The following KRT222 variants were observed in gnomAD, a reference collection of about 807,000 sequenced individuals.
The protein encoded by KRT222 is keratin 222, also known as keratin-like protein KRT222.
KRT222 carries 23 observed loss-of-function variants against 35.0 expected under a neutral mutation model. The ratio of observed to expected loss-of-function variants is 0.66; its 90% CI spans 0.47 to 0.93. The LOEUF (loss-of-function observed/expected upper bound fraction) is 0.93. KRT222 is among the 40% of genes least tolerant of loss of function. The probability of loss-of-function intolerance (pLI) is 0.00; values close to 1 mark genes in which losing one functional copy is unlikely to be tolerated. For synonymous variants in KRT222, 108 were observed against 118.8 expected (o/e 0.91, Z 0.59); for missense variants, 339 against 346.3 (o/e 0.98, Z 0.17).
intron 3 of KRT222, 93 bp downstream of exon 3, chr17:40,659,894 G>T (rs911112079): frequency 5.8e-6 from 6 of 1,032,524 alleles, no homozygotes; most frequent in Non-Finnish European, 9.0e-6. Flanking sequence ...TGATGATGGG[G>T]TTTTTGGATT....
chr17:40,658,814 T>C (rs1381884709), intron 3 of KRT222, among the ~76,000 whole-genome samples: 2 of 152,216 alleles, frequency 1.3e-5, no homozygotes, highest in African/African-American at 4.8e-5. Flanking sequence ...TATGTCATGC[T>C]CAAAGCAATA....
intron 2 of KRT222, 26 bp from the exon 3 acceptor site, chr17:40,660,233 G>C: frequency 6.4e-7 from 1 of 1,563,794 alleles, no homozygotes; most frequent in Non-Finnish European, 8.8e-7. Context: ...TTTCATCAGT[G>C]AATCAGTAAC....
In KRT222 at chr17:40,655,394, G is replaced by A. The variant is rs1233272920; in HGVS notation, c.*1008C>T. 4.0e-5 allele frequency: 6 copies of A among 151,776 alleles called. No homozygotes were observed. Among genetic ancestry groups the A allele is most frequent in the East Asian group, 3.9e-4 (2 of 5,194 alleles). 9.4% of individuals were successfully genotyped at this position (151,776 alleles called of 1,614,324 possible). The stretch of plus-strand genomic sequence containing the variant: ...TACCCATATTTATTACAATTTGAAC[G>A]ATTTAAAAACAAATCCTCTAAATAC... On this transcript the variant is annotated 3_prime_UTR_variant, in exon 6 of 6. Coordinates refer to ENST00000394052, the MANE Select transcript of KRT222 (RefSeq NM_152349.3).
chr17:40,665,157 G>A lies in KRT222; in HGVS notation c.-58C>T, dbSNP rs548804783. On this transcript the variant is annotated 5_prime_UTR_variant, in exon 1 of 6. Coordinates refer to ENST00000394052, the MANE Select transcript of KRT222 (RefSeq NM_152349.3). ...CCTTATCGATAGGATGAGTCGCTGCGGCAGTCTGCTCGGTCTGCGCGGAAG... is the reference window on the plus strand; with the variant it reads ...CCTTATCGATAGGATGAGTCGCTGCAGCAGTCTGCTCGGTCTGCGCGGAAG... 32 of 1,524,586 alleles carry A rather than the reference G, an allele frequency of 2.1e-5. No individual in the cohort carries two copies. In the East Asian group the frequency reaches 6.1e-4, roughly 29 times the overall value. The allele number at this position is 1,524,586 out of a possible 1,614,324, so 94.4% of individuals were successfully genotyped here.
intron 3 of KRT222, among the ~76,000 whole-genome samples, chr17:40,659,371 C>G (rs765163164): frequency 6.6e-6 from 1 of 151,956 alleles, no homozygotes; most frequent in Non-Finnish European, 1.5e-5. Flanking sequence ...GACAGGGTTT[C>G]GCCATGTTGG....
chr17:40,659,952 T>G (rs771402776), intron 3 of KRT222, 35 bp downstream of exon 3: 4 of 1,554,970 alleles, frequency 2.6e-6, no homozygotes, highest in Non-Finnish European at 3.5e-6. Flanking sequence ...TCTGTATTTC[T>G]GGCCCCTTGT....
chr17:40,660,224 T>C lies in KRT222; in HGVS notation c.226-17A>G, dbSNP rs376115910. The C allele has an allele frequency of 2.0e-4, 320 of 1,592,852 alleles. 1 individual carries two copies. Among genetic ancestry groups the C allele is most frequent in the Middle Eastern group, 6.6e-4 (4 of 6,022 alleles). On this transcript the variant is annotated splice_polypyrimidine_tract_variant and intron_variant, in intron 2 of 5. Transcript: ENST00000394052. ...GCCCCTTTCCTGTTTTATATAGATT[T>C]TCATCAGTGAATCAGTAACACAGAA...
In KRT222 at chr17:40,657,989, G is replaced by A. The variant is rs535027614; in HGVS notation, c.447-239C>T. Among the ~76,000 whole-genome samples, 7 of 152,248 alleles carry A rather than the reference G, an allele frequency of 4.6e-5. No homozygotes were observed. In the South Asian group the frequency reaches 1.2e-3, roughly 27 times the overall value. On this transcript the variant is annotated intron_variant, in intron 3 of 5. Coordinates refer to ENST00000394052, the MANE Select transcript of KRT222 (RefSeq NM_152349.3). ...AATATGCAAAACAATTTCATACTTT[G>A]TAGGAATACATACATATTACCATAA...
At chr17:40,663,351 C>T (rs1196562176) in intron 1 of KRT222, among the ~76,000 whole-genome samples, 1 of 152,180 alleles carries the variant, frequency 6.6e-6, no homozygotes, top group Non-Finnish European at 1.5e-5. Flanking sequence ...AATGCTGTGC[C>T]ACTTCTAGAC....
intron 1 of KRT222, among the ~76,000 whole-genome samples, chr17:40,663,526 C>A (rs1474229175): frequency 6.6e-6 from 1 of 152,198 alleles, no homozygotes; most frequent in East Asian, 1.9e-4. Context: ...GCAGAGCCAG[C>A]CTTTCGGCAA....
Position 40,655,727 on chromosome 17 carries a change from A to C in KRT222, c.*675T>G, listed in dbSNP as rs2144027911. The C allele has an allele frequency of 6.6e-6, 1 of 151,916 alleles. No homozygotes were observed. 9.4% of individuals were successfully genotyped at this position (151,916 alleles called of 1,614,324 possible). On this transcript the variant is annotated 3_prime_UTR_variant, in exon 6 of 6. Transcript: ENST00000394052. ...CTTCCGGAAATCAGATACTTATTACAAAAAAAACCTTTTAGATATATGTAG... is the reference window on the plus strand; with the variant it reads ...CTTCCGGAAATCAGATACTTATTACCAAAAAAACCTTTTAGATATATGTAG...
At chr17:40,659,908 T>C (rs1298981886) in intron 3 of KRT222, 79 bp downstream of exon 3, 2 of 1,239,066 alleles carry the variant, frequency 1.6e-6, no homozygotes, top group Non-Finnish European at 2.3e-6. Context: ...TTGGATTTAA[T>C]TTCTCTGACT....
intron 1 of KRT222, among the ~76,000 whole-genome samples, chr17:40,662,520 C>T (rs915152068): frequency 5.9e-5 from 9 of 152,054 alleles, no homozygotes; most frequent in Non-Finnish European, 1.0e-4. Context: ...GTAAATACTG[C>T]TAGGAAATAC....
Position 40,657,426 on chromosome 17 carries a change from T to C in KRT222, c.585A>G (p.Val195=). ...AGATTGCCTGTTTGGTTACTGTTTC[T>C]ACATTTTCATTCTCATACTTTTGTG... ...KVPQKYENEN[V]ETVTKQAILN... is the part of the protein sequence containing the mutation. The change falls in exon 5 of 6, where the codon GTA becomes GTG. Residue 195 remains valine, a synonymous_variant. Transcript: ENST00000394052. The C allele has an allele frequency of 6.2e-7, 1 of 1,610,844 alleles. No homozygotes were observed. Among genetic ancestry groups the C allele is most frequent in the Non-Finnish European group, 8.5e-7 (1 of 1,178,558 alleles).
intron 3 of KRT222, 25 bp downstream of exon 3, chr17:40,659,962 T>C: frequency 6.3e-7 from 1 of 1,591,178 alleles, no homozygotes; most frequent in Non-Finnish European, 8.6e-7. Context: ...TGGCCCCTTG[T>C]CATTAACTAA....
In KRT222 at chr17:40,656,352, A is replaced by C. The variant is rs1405723241; in HGVS notation, c.*50T>G. The C allele has an allele frequency of 7.1e-7, 1 of 1,405,954 alleles. No homozygotes were observed. The highest frequency in any genetic ancestry group is 2.3e-5 in the East Asian group (1 of 43,800). 87.1% of individuals were successfully genotyped at this position (1,405,954 alleles called of 1,614,324 possible). On this transcript the variant is annotated 3_prime_UTR_variant, in exon 6 of 6. Coordinates refer to ENST00000394052, the MANE Select transcript of KRT222 (RefSeq NM_152349.3). ...GGGACAGAGGGAGTTGGTATGGCCC[A>C]CCTTGGTCCATCCTAACATTTTCCA...
intron 2 of KRT222, 25 bp downstream of exon 2, chr17:40,661,891 C>A (rs756582904): frequency 2.2e-5 from 36 of 1,608,936 alleles, no homozygotes; most frequent in Non-Finnish European, 2.8e-5. Flanking sequence ...CTCGATGGGT[C>A]GGTTACTTTT....
intron 5 of KRT222, 126 bp downstream of exon 5, chr17:40,657,226 A>AAT: frequency 1.3e-6 from 1 of 753,728 alleles, no homozygotes; most frequent in Non-Finnish European, 1.9e-6. Flanking sequence ...AAAAAAAAAA[A>AAT]ATCACAGTAT....
Position 40,656,268 on chromosome 17 carries a change from TGAAGAG to T in KRT222, c.*128_*133del. Reference sequence around the variant, plus strand: ...AATGTCCTTTATTGTTTTTTTCTTCTGAAGAGAACCACATATTGATCATAACATTTT... The same window carrying T: ...AATGTCCTTTATTGTTTTTTTCTTCTAACCACATATTGATCATAACATTTT... On this transcript the variant is annotated 3_prime_UTR_variant, in exon 6 of 6. Coordinates refer to ENST00000394052, the MANE Select transcript of KRT222 (RefSeq NM_152349.3). 1 of 612,966 alleles carries T rather than the reference TGAAGAG, an allele frequency of 1.6e-6. No homozygotes were observed. Among genetic ancestry groups the T allele is most frequent in the Admixed American group, 2.9e-5 (1 of 34,516 alleles). The allele number at this position is 612,966 out of a possible 1,614,324, so 38.0% of individuals were successfully genotyped here.
Sources: allele counts gnomAD v4.1 joint callset (sites outside exome capture counted in the v4.1 genomes callset), GRCh38; gene constraint gnomAD v4.1.1; transcripts MANE v1.5; gene names NCBI Gene and HGNC (gene_info 2026-07-23, HGNC 2026-07-21).